SAMD12: variants seen among roughly 807,000 people sequenced by gnomAD.
SAMD12 encodes sterile alpha motif domain-containing protein 12.
SAMD12 carries 9 observed loss-of-function variants against 15.0 expected under a neutral mutation model. The ratio of observed to expected loss-of-function variants is 0.60; its 90% CI spans 0.36 to 1.05. The LOEUF is 1.05. SAMD12 is among the 50% of genes least tolerant of loss of function. The pLI is 0.01. For synonymous variants in SAMD12, 86 were observed against 90.1 expected (o/e 0.96, Z 0.25); for missense variants, 230 against 234.2 (o/e 0.98, Z 0.12).
At chr8:118,535,815 G>C (rs546268956) in intron 2 of SAMD12, among the ~76,000 whole-genome samples, 116 of 152,318 alleles carry the variant, frequency 7.6e-4, no homozygotes, top group African/African-American at 2.6e-3. Flanking sequence ...TATTAGGGTT[G>C]GAGTGACCCG....
chr8:118,264,832 A>G (rs1230299363), intron 4 of SAMD12, among the ~76,000 whole-genome samples: 5 of 152,110 alleles, frequency 3.3e-5, no homozygotes, highest in Non-Finnish European at 7.4e-5. Flanking sequence ...CCTTTATAGA[A>G]AGGAAGAGAT....
intron 4 of SAMD12, among the ~76,000 whole-genome samples, chr8:118,309,519 CT>C (rs750529254): frequency 3.3e-5 from 5 of 152,004 alleles, no homozygotes; most frequent in African/African-American, 7.3e-5. Flanking sequence ...GTGCAAGTAT[CT>C]TTTTCATATA....
chr8:118,269,218 CTCTGTGTGTGTGTG>C (rs1380124403), intron 4 of SAMD12, among the ~76,000 whole-genome samples: 19 of 115,750 alleles, frequency 1.6e-4, no homozygotes, highest in African/African-American at 5.4e-4. Context: ...CTCTCTCTCT[CTCTGTGTGTGTGTG>C]TGTGTGTGTG....
At chr8:118,338,987 A>C (rs112736176) in intron 4 of SAMD12, among the ~76,000 whole-genome samples, 174 of 152,344 alleles carry the variant, frequency 1.1e-3, no homozygotes, top group African/African-American at 4.0e-3. Flanking sequence ...GATTAAACAA[A>C]GATCTTTGCT....
chr8:118,171,719 G>A, the SAMD12 span, among the ~76,000 whole-genome samples: 2 of 136,502 alleles, frequency 1.5e-5, no homozygotes, highest in Admixed American at 8.0e-5. Flanking sequence ...GGCTGCTAAT[G>A]GGTACAGGAT....
chr8:118,485,225 C>T (rs1824243672), intron 2 of SAMD12, among the ~76,000 whole-genome samples: 1 of 152,212 alleles, frequency 6.6e-6, no homozygotes, highest in African/African-American at 2.4e-5. Flanking sequence ...TCACACTCCA[C>T]ACCCAGGACT....
At chr8:118,302,466 A>G (rs1815101445) in intron 4 of SAMD12, among the ~76,000 whole-genome samples, 1 of 152,208 alleles carries the variant, frequency 6.6e-6, no homozygotes, top group African/African-American at 2.4e-5. Context: ...ATAAAGGGCT[A>G]AACTGAATAT....
At chr8:118,312,421 A>C (rs1815676420) in intron 4 of SAMD12, among the ~76,000 whole-genome samples, 1 of 152,162 alleles carries the variant, frequency 6.6e-6, no homozygotes, top group Non-Finnish European at 1.5e-5. Flanking sequence ...TCTGATCTTC[A>C]CATCCCTCCA....
chr8:118,428,096 A>G (rs1169055814), intron 3 of SAMD12, among the ~76,000 whole-genome samples: 1 of 152,188 alleles, frequency 6.6e-6, no homozygotes, highest in Non-Finnish European at 1.5e-5. Flanking sequence ...TATCATTTCA[A>G]ATCTTTTGCC....
chr8:118,313,232 GC>G (rs1815717946), intron 4 of SAMD12, among the ~76,000 whole-genome samples: 1 of 152,186 alleles, frequency 6.6e-6, no homozygotes, highest in South Asian at 2.1e-4. Flanking sequence ...GCCACGTTAT[GC>G]CCCTATATTG....
chr8:118,279,509 C>T (rs891337112), intron 4 of SAMD12, among the ~76,000 whole-genome samples: 21 of 152,270 alleles, frequency 1.4e-4, no homozygotes, highest in Admixed American at 2.6e-4. Context: ...GACATGGTTA[C>T]GTGAGAAGTG....
At chr8:118,408,498 G>A (rs1373796185) in intron 3 of SAMD12, among the ~76,000 whole-genome samples, 3 of 152,120 alleles carry the variant, frequency 2.0e-5, no homozygotes, top group Non-Finnish European at 4.4e-5. Flanking sequence ...GAATAGTCAA[G>A]TTTTCACCTT....
chr8:118,605,959 T>C (rs1827978124), intron 1 of SAMD12, among the ~76,000 whole-genome samples: 1 of 151,924 alleles, frequency 6.6e-6, no homozygotes, highest in Admixed American at 6.6e-5. Flanking sequence ...CTTATTTGTG[T>C]TTTTATGATT....
chr8:118,355,442 C>T (rs1818184233), intron 4 of SAMD12, among the ~76,000 whole-genome samples: 1 of 152,032 alleles, frequency 6.6e-6, no homozygotes, highest in East Asian at 1.9e-4. Context: ...GATGGGTGGA[C>T]TAAAATCTCA....
chr8:118,541,866 T>G (rs1273007950), intron 2 of SAMD12, among the ~76,000 whole-genome samples: 3 of 152,180 alleles, frequency 2.0e-5, no homozygotes, highest in African/African-American at 4.8e-5. Context: ...TTTTTAAAAT[T>G]TTTTGAGATG....
At chr8:118,146,972 G>C in the SAMD12 span, among the ~76,000 whole-genome samples, 4 of 152,008 alleles carry the variant, frequency 2.6e-5, no homozygotes, top group Admixed American at 6.6e-5. Flanking sequence ...ATGCTAAATG[G>C]TTCACACTTG....
At chr8:118,499,111 T>C (rs1169607290) in intron 2 of SAMD12, among the ~76,000 whole-genome samples, 1 of 152,222 alleles carries the variant, frequency 6.6e-6, no homozygotes, top group East Asian at 1.9e-4. Context: ...ATGTCCAGTA[T>C]AGAGGCTCAA....
chr8:118,205,439 A>C (rs1051591906), intron 4 of SAMD12, among the ~76,000 whole-genome samples: 3 of 152,228 alleles, frequency 2.0e-5, no homozygotes, highest in Non-Finnish European at 4.4e-5. Context: ...GCAGCAACCA[A>C]AGTAGGTAGG....
intron 4 of SAMD12, among the ~76,000 whole-genome samples, chr8:118,325,235 A>AT (rs1004200595): frequency 2.0e-5 from 3 of 152,104 alleles, no homozygotes; most frequent in Non-Finnish European, 4.4e-5. Context: ...CCCTAATTTC[A>AT]TTTTTTAAAT....
Sources: allele counts gnomAD v4.1 joint callset (sites outside exome capture counted in the v4.1 genomes callset), GRCh38; gene constraint gnomAD v4.1.1; transcripts MANE v1.5; gene names NCBI Gene and HGNC (gene_info 2026-07-23, HGNC 2026-07-21).